KDM4C: variants seen among roughly 807,000 people sequenced by gnomAD.
KDM4C encodes lysine demethylase 4C, also known as lysine-specific demethylase 4C.
KDM4C carries 81 observed loss-of-function variants against 129.3 expected under a neutral mutation model. The observed-to-expected ratio is 0.63, with a 90% CI of 0.52 to 0.75. The LOEUF is 0.75. KDM4C is among the 30% of genes least tolerant of loss of function. The pLI is 0.00. For missense variants in KDM4C, 1,457 were observed against 1,304.0 expected, an observed-to-expected ratio of 1.12 and a Z score of -1.81; for synonymous variants, 573 against 456.1, an observed-to-expected ratio of 1.26 and a Z score of -3.26.
chr9:6,799,581 AGGGAGACCGTGGAAAG>A (rs1469182366), intron 2 of KDM4C, among the ~76,000 whole-genome samples: 2 of 133,198 alleles, frequency 1.5e-5, no homozygotes, highest in Admixed American at 7.3e-5. Context: ...GAGGGATGAG[AGGGAGACCGTGGAAAG>A]GGGAGACGGG....
chr9:7,047,166 C>A (rs530214854), intron 16 of KDM4C, among the ~76,000 whole-genome samples: 1 of 152,080 alleles, frequency 6.6e-6, no homozygotes, highest in Non-Finnish European at 1.5e-5. Context: ...CCCTCTTTTA[C>A]TCACAGAGTT....
intron 18 of KDM4C, among the ~76,000 whole-genome samples, chr9:7,107,623 C>G (rs1222913756): frequency 1.1e-4 from 17 of 152,294 alleles, no homozygotes. Context: ...ATATGAGGTA[C>G]ATAGTGTTTT....
chr9:6,968,619 T>C (rs1487776552), intron 8 of KDM4C, among the ~76,000 whole-genome samples: 1 of 152,194 alleles, frequency 6.6e-6, no homozygotes, highest in East Asian at 1.9e-4. Context: ...AAGTTTACTT[T>C]GTTGGAACTG....
At position 6,758,918 on chromosome 9, in the gene KDM4C, G is replaced by A. The variant is rs949176989; in HGVS notation, c.-18+715G>A. ...GCCGGGGCTGTAGGCAGGAGCTTGG[G>A]GTTTTCCTCTGTGCTCCGCCAGTAA... On this transcript the variant is annotated intron_variant, in intron 1 of 21. Transcript: ENST00000381309. This position sits in a 1 kb window ranked among gnomAD's most constrained non-coding sequence, Gnocchi z 4.6. Among the ~76,000 whole-genome samples, 1 of 152,180 alleles carries A rather than the reference G, an allele frequency of 6.6e-6. No homozygotes were observed. The highest frequency in any genetic ancestry group is 1.5e-5 in the Non-Finnish European group (1 of 68,040).
intron 15 of KDM4C, among the ~76,000 whole-genome samples, chr9:7,030,053 A>G (rs568377072): frequency 6.6e-6 from 1 of 152,210 alleles, no homozygotes; most frequent in Admixed American, 6.5e-5. Flanking sequence ...TCAAAATTGA[A>G]GGAAGATGTA....
intron 3 of KDM4C, among the ~76,000 whole-genome samples, chr9:6,807,796 G>T (rs1378165377): frequency 2.5e-3 from 369 of 149,246 alleles, no homozygotes; most frequent in Middle Eastern, 0.024. Context: ...GAGGTGGGGG[G>T]GGGGTCAGCC....
chr9:6,759,209 A>G (rs16924852), intron 1 of KDM4C, among the ~76,000 whole-genome samples: 13,119 of 152,226 alleles, frequency 0.086, 756 homozygotes, highest in South Asian at 0.23. Flanking sequence ...AGTTACTAGT[A>G]GGTTCCGGCC....
At chr9:7,093,974 G>T (rs1043908034) in intron 17 of KDM4C, among the ~76,000 whole-genome samples, 2 of 152,148 alleles carry the variant, frequency 1.3e-5, no homozygotes, top group African/African-American at 4.8e-5. Flanking sequence ...TTTATTGAAG[G>T]ATAAGGGTAG....
chr9:7,025,519 G>T (rs1337529429), intron 15 of KDM4C, among the ~76,000 whole-genome samples: 1 of 151,976 alleles, frequency 6.6e-6, no homozygotes, highest in African/African-American at 2.4e-5. Flanking sequence ...TTAGGTATAT[G>T]TTATATGGTT....
At chr9:6,986,075 T>G (rs966740543) in intron 10 of KDM4C, among the ~76,000 whole-genome samples, 6 of 152,260 alleles carry the variant, frequency 3.9e-5, no homozygotes, top group African/African-American at 1.2e-4. Flanking sequence ...CTGAATTTCA[T>G]TAGTTCTGTC....
At chr9:7,065,856 T>C (rs1832347213) in intron 17 of KDM4C, among the ~76,000 whole-genome samples, 1 of 152,170 alleles carries the variant, frequency 6.6e-6, no homozygotes, top group Admixed American at 6.5e-5. Context: ...TAGTGTGAAA[T>C]GTAATAAGTC....
chr9:6,797,953 G>T (rs1828065036), intron 2 of KDM4C, among the ~76,000 whole-genome samples: 1 of 152,174 alleles, frequency 6.6e-6, no homozygotes, highest in Admixed American at 6.6e-5. Flanking sequence ...CCCTCATTTA[G>T]ATTCACTAAA....
chr9:6,842,116 C>G (rs1837041687), intron 4 of KDM4C, among the ~76,000 whole-genome samples: 1 of 152,130 alleles, frequency 6.6e-6, no homozygotes, highest in South Asian at 2.1e-4. Flanking sequence ...ACTGATAGAG[C>G]TATTTAGTGT....
chr9:6,828,304 C>A (rs755846341), intron 4 of KDM4C, among the ~76,000 whole-genome samples: 1 of 152,014 alleles, frequency 6.6e-6, no homozygotes, highest in African/African-American at 2.4e-5. Flanking sequence ...CCCACCACAA[C>A]GCCCGGCTAA....
intron 4 of KDM4C, among the ~76,000 whole-genome samples, chr9:6,837,665 T>C (rs1836135044): frequency 6.6e-6 from 1 of 152,218 alleles, no homozygotes; most frequent in Non-Finnish European, 1.5e-5. Flanking sequence ...CTGTCCTCTA[T>C]TTTTCTATTA....
At chr9:7,148,031 G>A (rs1024828299) in intron 19 of KDM4C, among the ~76,000 whole-genome samples, 7 of 152,372 alleles carry the variant, frequency 4.6e-5, no homozygotes, top group African/African-American at 1.7e-4. Context: ...TGAGCACAGG[G>A]CCAGGCCACT....
At chr9:7,112,515 T>C (rs552449367) in intron 18 of KDM4C, among the ~76,000 whole-genome samples, 1 of 152,094 alleles carries the variant, frequency 6.6e-6, no homozygotes, top group Non-Finnish European at 1.5e-5. Flanking sequence ...GTAAATCAGA[T>C]GTAGTGGGGA....
intron 1 of KDM4C, among the ~76,000 whole-genome samples, chr9:6,771,070 GAC>G (rs1821726927): frequency 7.2e-6 from 1 of 139,432 alleles, no homozygotes; most frequent in African/African-American, 2.7e-5. Flanking sequence ...CACTGCGCCC[GAC>G]TGTGAATCTT....
intron 17 of KDM4C, among the ~76,000 whole-genome samples, chr9:7,096,436 C>T (rs1201655354): frequency 5.3e-5 from 8 of 152,288 alleles, no homozygotes; most frequent in South Asian, 4.1e-4. Context: ...GCTTGTTTCA[C>T]CCACAGCCTT....
Sources: allele counts gnomAD v4.1 joint callset (sites outside exome capture counted in the v4.1 genomes callset), GRCh38; gene constraint gnomAD v4.1.1; non-coding constraint Gnocchi (gnomAD v3.1); transcripts MANE v1.5; gene names NCBI Gene and HGNC (gene_info 2026-07-23, HGNC 2026-07-21).